PHEX: variants seen among roughly 807,000 people sequenced by gnomAD.
PHEX encodes phosphate-regulating neutral endopeptidase PHEX.
A neutral mutation model predicts 68.0 loss-of-function variants in PHEX; 16 were observed. The ratio of observed to expected loss-of-function variants is 0.24; its 90% CI spans 0.16 to 0.36. The LOEUF (loss-of-function observed/expected upper bound fraction) is 0.36, where lower values mean the gene tolerates loss of function less well. Among genes scored for constraint, PHEX ranks in the 10% least tolerant of loss-of-function variants. PHEX has a pLI of 1.00. For synonymous variants in PHEX, 208 were observed against 205.1 expected, an observed-to-expected ratio of 1.01 and a Z score of -0.12; for missense variants, 480 against 575.5, an observed-to-expected ratio of 0.83 and a Z score of 1.70.
At chrX:22,198,974 C>T (rs915568810) in intron 15 of PHEX, among the ~76,000 whole-genome samples, 2 of 111,022 alleles carry the variant, frequency 1.8e-5, no homozygotes, top group Admixed American at 1.9e-4. Context: ...AGAGTGTATG[C>T]AGGGGAACTC....
chrX:22,193,033 G>C (rs967520238), intron 15 of PHEX, among the ~76,000 whole-genome samples: 31 of 111,234 alleles, frequency 2.8e-4, no homozygotes, highest in African/African-American at 1.0e-3. Context: ...TATTTTGAAT[G>C]TCACTTCTTA....
intron 15 of PHEX, among the ~76,000 whole-genome samples, chrX:22,209,811 C>T (rs1213490168): frequency 9.5e-6 from 1 of 105,549 alleles, no homozygotes; most frequent in Non-Finnish European, 1.9e-5. Flanking sequence ...CCCTCTCCCT[C>T]TCCTCCCTCT....
Position 22,249,458 on chromosome X carries a change from ATATAT to A in PHEX, c.*1506_*1510del, listed in dbSNP as rs1936505737. 7.9e-4 allele frequency: 31 copies of A among 39,058 alleles called. No individual in the cohort carries two copies. The highest frequency in any genetic ancestry group is 1.8e-3 in the African/African-American group (16 of 8,915). The allele number at this position is 39,058 out of a possible 1,213,427, so 3.2% of individuals were successfully genotyped here. A position where few individuals can be genotyped will look rare whatever the true frequency, so the allele number is the denominator to read the frequency against. On this transcript the variant is annotated 3_prime_UTR_variant, in exon 22 of 22. Transcript: ENST00000379374. ...TGATTCTTTTAAAAAAAAAAAAAAT[ATATAT>A]ATATATATATATATATATATATATG...
chrX:22,108,020 G>T (rs1229227510), intron 9 of PHEX, among the ~76,000 whole-genome samples: 1 of 112,013 alleles, frequency 8.9e-6, no homozygotes, highest in East Asian at 2.8e-4. Flanking sequence ...TCTAACTGTA[G>T]GTGCTGGGTT....
chrX:22,173,195 A>G (rs1390411230), intron 13 of PHEX, among the ~76,000 whole-genome samples: 1 of 112,081 alleles, frequency 8.9e-6, no homozygotes, highest in Non-Finnish European at 1.9e-5. Flanking sequence ...CTTTCAAGGG[A>G]CCCCTGGCCA....
At chrX:22,054,157 G>A (rs1457337337) in intron 3 of PHEX, among the ~76,000 whole-genome samples, 1 of 111,331 alleles carries the variant, frequency 9.0e-6, no homozygotes, top group Non-Finnish European at 1.9e-5. Flanking sequence ...TTTTTGAGAT[G>A]GAGTTTCACT....
intron 3 of PHEX, among the ~76,000 whole-genome samples, chrX:22,053,242 T>C (rs772418118): frequency 6.2e-5 from 7 of 112,081 alleles, no homozygotes; most frequent in African/African-American, 2.3e-4. Context: ...TGCTCACTCT[T>C]GATAAAAAGA....
chrX:22,069,058 C>T (rs1278896687), intron 3 of PHEX, among the ~76,000 whole-genome samples: 1 of 111,956 alleles, frequency 8.9e-6, no homozygotes, highest in East Asian at 2.8e-4. Flanking sequence ...CGCTTGAACC[C>T]GGGAGGCAGA....
At chrX:22,243,686 T>TCA in intron 20 of PHEX, among the ~76,000 whole-genome samples, 2 of 112,476 alleles carry the variant, frequency 1.8e-5, no homozygotes, top group Non-Finnish European at 3.8e-5. Flanking sequence ...AATGCTCATT[T>TCA]TCACTGGTCA....
intron 16 of PHEX, among the ~76,000 whole-genome samples, chrX:22,214,793 G>A (rs768262861): frequency 1.3e-4 from 15 of 111,739 alleles, no homozygotes; most frequent in East Asian, 1.1e-3. Context: ...GGCAGCCATC[G>A]ATAAAGCTTA....
chrX:22,212,443 C>G (rs1934958680), intron 15 of PHEX, among the ~76,000 whole-genome samples: 1 of 111,419 alleles, frequency 9.0e-6, no homozygotes, highest in Non-Finnish European at 1.9e-5. Context: ...CCCTCATGCT[C>G]CACTCAAAAA....
At position 22,198,085 on chromosome X, in the gene PHEX, TTAA is replaced by T. The variant is rs1338210286; in HGVS notation, c.1645+7586_1645+7588del. Among the ~76,000 whole-genome samples, 6 of 101,375 alleles carry T rather than the reference TTAA, an allele frequency of 5.9e-5. No individual in the cohort carries two copies. The South Asian group carries it at 2.4e-3, about 41-fold the overall frequency. 88.0% of individuals were successfully genotyped at this position (101,375 alleles called of 115,157 possible). ...TATTAAATATTAATTATATCTAATA[TTAA>T]TATACATTTATAGTTATATATTATA... On this transcript the variant is annotated intron_variant, in intron 15 of 21. Coordinates refer to ENST00000379374, the MANE Select transcript of PHEX (RefSeq NM_000444.6).
In PHEX at chrX:22,160,024, G is replaced by A. The variant is rs778387232; in HGVS notation, c.1405-8288G>A. 6.3e-5 allele frequency among the ~76,000 whole-genome samples: 7 copies of A among 111,989 alleles called. No homozygotes were observed. In the East Asian group the frequency reaches 2.0e-3, roughly 31 times the overall value. On this transcript the variant is annotated intron_variant, in intron 12 of 21. Coordinates refer to ENST00000379374, the MANE Select transcript of PHEX (RefSeq NM_000444.6). ...GCAGTTAAGTAATCGATAATATTAC[G>A]TTTGTATGTTCTTTCAGCATTAAGG...
At chrX:22,040,051 G>A (rs1354672803) in intron 2 of PHEX, among the ~76,000 whole-genome samples, 1 of 111,666 alleles carries the variant, frequency 9.0e-6, no homozygotes, top group Non-Finnish European at 1.9e-5. Context: ...GGGAAACCTG[G>A]GGGTCCCACA....
At chrX:22,218,602 T>G (rs1054243630) in intron 16 of PHEX, among the ~76,000 whole-genome samples, 12 of 112,123 alleles carry the variant, frequency 1.1e-4, no homozygotes, top group Non-Finnish European at 2.1e-4. Flanking sequence ...ACAATTTAAC[T>G]TCTAAGACTA....
chrX:22,206,422 C>G (rs1934713212), intron 15 of PHEX, among the ~76,000 whole-genome samples: 1 of 111,584 alleles, frequency 9.0e-6, no homozygotes, highest in Admixed American at 9.5e-5. Flanking sequence ...GAAGACATCA[C>G]CATTAAAGAA....
chrX:22,033,020 A>G lies in PHEX; in HGVS notation c.15A>G (p.Thr5=), dbSNP rs1287876997. 1 of 1,206,312 alleles carries G rather than the reference A, an allele frequency of 8.3e-7. No individual in the cohort carries two copies. Among genetic ancestry groups the G allele is most frequent in the Non-Finnish European group, 1.1e-6 (1 of 891,000 alleles). ...CGGCCCTTCTGATGGAAGCAGAAAC[A>G]GGGAGCAGCGTGGAGACTGGAAAGA... is the stretch of plus-strand genomic sequence containing the variant. The part of the protein sequence containing the change: MEAE[T]GSSVETGKKA... Residue 5 remains threonine, a synonymous_variant, in exon 1 of 22, where the codon ACA becomes ACG. Transcript: ENST00000379374.
Position 22,082,496 on chromosome X carries a change from C to T in PHEX, c.663+4794C>T, listed in dbSNP as rs1265115435. Among the ~76,000 whole-genome samples the T allele has an allele frequency of 1.4e-4, 16 of 112,117 alleles. No individual in the cohort carries two copies. In the Admixed American group the frequency reaches 1.5e-3, roughly 11 times the overall value. ...TTTTTTCATATGCTTGTTGGTCACA[C>T]GTATGTCTTCTTTTGAAAAGTGTCT... On this transcript the variant is annotated intron_variant, in intron 5 of 21. Coordinates refer to ENST00000379374, the MANE Select transcript of PHEX (RefSeq NM_000444.6).
chrX:22,238,880 G>A (rs1283761059), intron 20 of PHEX, among the ~76,000 whole-genome samples: 1 of 111,970 alleles, frequency 8.9e-6, no homozygotes, highest in Non-Finnish European at 1.9e-5. Flanking sequence ...GCTCTGCTAA[G>A]GGTCAGACTG....
Sources: gnomAD v4.1 joint callset for allele counts (sites outside exome capture counted in the v4.1 genomes callset) on GRCh38, gnomAD v4.1.1 for gene constraint, MANE v1.5 for transcripts, NCBI Gene and HGNC (gene_info 2026-07-23, HGNC 2026-07-21) for gene names.